SQSTM1: variants seen among roughly 807,000 people sequenced by gnomAD.
SQSTM1 encodes sequestosome-1.
Under a neutral mutation model 45.1 loss-of-function variants are expected in SQSTM1, and 36 were observed. That is an observed-to-expected ratio of 0.80 (90% CI 0.61 to 1.05). The LOEUF is 1.05. Ranked by LOEUF, SQSTM1 falls within the 50% of genes least tolerant of loss-of-function variation. The probability of loss-of-function intolerance (pLI) is 0.00; values close to 1 mark genes in which losing one functional copy is unlikely to be tolerated. For synonymous variants in SQSTM1, 290 were observed against 244.3 expected, an observed-to-expected ratio of 1.19 and a Z score of -1.74; for missense variants, 617 against 607.1, an observed-to-expected ratio of 1.02 and a Z score of -0.17.
At chr5:179,825,067 T>G in intron 4 of SQSTM1, 79 bp from the exon 5 acceptor site, 1 of 1,470,548 alleles carries the variant, frequency 6.8e-7, no homozygotes, top group Non-Finnish European at 9.5e-7. Context: ...CACAGGGACC[T>G]TGGCAAGAAG....
intron 7 of SQSTM1, 132 bp downstream of exon 7, chr5:179,833,914 G>A (rs1305113146): frequency 9.8e-7 from 1 of 1,024,664 alleles, no homozygotes; most frequent in African/African-American, 1.6e-5. Context: ...GGTGTGGGAG[G>A]TTAGGAGTTG....
At chr5:179,829,866 C>A (rs1397029466) in intron 5 of SQSTM1, among the ~76,000 whole-genome samples, 1 of 152,146 alleles carries the variant, frequency 6.6e-6, no homozygotes, top group East Asian at 1.9e-4. Context: ...GAGACCAAGG[C>A]AGGCAGATGA....
chr5:179,810,534 G>A (rs917960797), intron 1 of SQSTM1, among the ~76,000 whole-genome samples: 1 of 152,166 alleles, frequency 6.6e-6, no homozygotes, highest in African/African-American at 2.4e-5. Flanking sequence ...ATTTGGGTTG[G>A]TTCCAAGTCT....
At position 179,820,927 on chromosome 5, in the gene SQSTM1, G is replaced by T. The variant is rs773356001; in HGVS notation, c.-10G>T. ...GGGACGGCCCGTTTTCCGCCAGCTC[G>T]CCGCTCGCTATGGCGTCGCTCACCG... On this transcript the variant is annotated 5_prime_UTR_variant, in exon 1 of 8. Coordinates refer to ENST00000389805, the MANE Select transcript of SQSTM1 (RefSeq NM_003900.5). 8 of 1,528,322 alleles carry T rather than the reference G, an allele frequency of 5.2e-6. No homozygotes were observed. Among genetic ancestry groups the T allele is most frequent in the Non-Finnish European group, 7.0e-6 (8 of 1,139,836 alleles). 94.7% of individuals were successfully genotyped at this position (1,528,322 alleles called of 1,614,324 possible).
At chr5:179,832,950 T>C (rs778274104) in intron 5 of SQSTM1, 82 bp from the exon 6 acceptor site, 33 of 1,380,128 alleles carry the variant, frequency 2.4e-5, no homozygotes, top group Admixed American at 8.4e-5. Context: ...CGTGAGTCTG[T>C]AGTCTCCACA....
chr5:179,820,580 G>A (rs1582002186), upstream of SQSTM1: 1 of 225,542 alleles, frequency 4.4e-6, no homozygotes, highest in South Asian at 1.3e-4. Context: ...CCCAAGCCTG[G>A]GAGGGGCGAG....
chr5:179,833,352 C>T (rs534902448), intron 6 of SQSTM1, 106 bp downstream of exon 6: 54 of 1,168,094 alleles, frequency 4.6e-5, no homozygotes, highest in South Asian at 4.0e-4. Context: ...CTTACAAACC[C>T]GAGGGAGCTG....
At chr5:179,816,879 C>T (rs927774932), upstream of SQSTM1, among the ~76,000 whole-genome samples, 2 of 152,176 alleles carry the variant, frequency 1.3e-5, no homozygotes, top group African/African-American at 4.8e-5. Flanking sequence ...TCCGGCCACC[C>T]GGTGACGGAG....
rs796259575 is a variant in SQSTM1 at position 179,836,738 on chromosome 5, G to C, written c.*145G>C. The C allele has an allele frequency of 8.0e-7, 1 of 1,243,724 alleles. No individual in the cohort carries two copies. Among genetic ancestry groups the C allele is most frequent in the East Asian group, 2.3e-5 (1 of 42,886 alleles). The allele number at this position is 1,243,724 out of a possible 1,614,324, so 77.0% of individuals were successfully genotyped here. A position where few individuals can be genotyped will look rare whatever the true frequency, so the allele number is the denominator to read the frequency against. ...AGGGTGCAAGAAGCCATTTAGGGCAGCAAAACAAGTGACATGAAGGGAGGG... is the reference window on the plus strand; with the variant it reads ...AGGGTGCAAGAAGCCATTTAGGGCACCAAAACAAGTGACATGAAGGGAGGG... On this transcript the variant is annotated 3_prime_UTR_variant, in exon 8 of 8. Coordinates refer to ENST00000389805, the MANE Select transcript of SQSTM1 (RefSeq NM_003900.5).
chr5:179,836,655 T>G lies in SQSTM1; in HGVS notation c.*62T>G. 1.2e-6 allele frequency: 2 copies of G among 1,611,284 alleles called. No homozygotes were observed. The highest frequency in any genetic ancestry group is 1.7e-6 in the Non-Finnish European group (2 of 1,177,462). ...GTCTCATAGTTGTGTTAAGCTTGCG[T>G]AGAATTGCAGGTCTCTGTACGGGCC... On this transcript the variant is annotated 3_prime_UTR_variant, in exon 8 of 8. Coordinates refer to ENST00000389805, the MANE Select transcript of SQSTM1 (RefSeq NM_003900.5).
rs185559724 is a variant in SQSTM1, at chr5:179,837,099, G to C, written c.*506G>C. On this transcript the variant is annotated 3_prime_UTR_variant, in exon 8 of 8. Coordinates refer to ENST00000389805, the MANE Select transcript of SQSTM1 (RefSeq NM_003900.5). ...CTGAGAAGGCTCACGAAGGGCATCC[G>C]CAATGTTGGTTTCACTGAGAGCTGC... The C allele has an allele frequency of 1.1e-6, 1 of 942,284 alleles. No individual in the cohort carries two copies. The highest frequency in any genetic ancestry group is 1.6e-5 in the African/African-American group (1 of 61,500). 58.4% of individuals were successfully genotyped at this position (942,284 alleles called of 1,614,324 possible).
intron 7 of SQSTM1, among the ~76,000 whole-genome samples, chr5:179,834,407 TTTTGTTTATTTA>T (rs1758408388): frequency 6.6e-6 from 1 of 151,188 alleles, no homozygotes; most frequent in African/African-American, 2.4e-5. Flanking sequence ...TAGTTCTTAT[TTTTGTTTATTTA>T]TTTATTTATT....
chr5:179,818,500 G>T (rs59680418), upstream of SQSTM1, among the ~76,000 whole-genome samples: 4,667 of 152,266 alleles, frequency 0.031, 246 homozygotes, highest in African/African-American at 0.11. Flanking sequence ...TATTTGGGAG[G>T]GGGGAAGGGG....
At chr5:179,823,540 GGGTCTGGTGCCGT>G (rs1757870721) in intron 2 of SQSTM1, 1 of 465,568 alleles carries the variant, frequency 2.1e-6, no homozygotes, top group Non-Finnish European at 3.9e-6. Flanking sequence ...TCTAGGGATG[GGGTCTGGTGCCGT>G]GGTGCTTGGG....
rs1758579539 is a variant in SQSTM1, at chr5:179,836,736, C to G, written c.*143C>G. The G allele has an allele frequency of 7.8e-7, 1 of 1,274,032 alleles. No homozygotes were observed. Among genetic ancestry groups the G allele is most frequent in the Admixed American group, 1.7e-5 (1 of 57,576 alleles). The allele number at this position is 1,274,032 out of a possible 1,614,324, so 78.9% of individuals were successfully genotyped here. On this transcript the variant is annotated 3_prime_UTR_variant, in exon 8 of 8. Transcript: ENST00000389805. ...TTAGGGTGCAAGAAGCCATTTAGGG[C>G]AGCAAAACAAGTGACATGAAGGGAG...
upstream of SQSTM1, among the ~76,000 whole-genome samples, chr5:179,818,017 A>AAAAAAG: frequency 7.0e-6 from 1 of 143,396 alleles, no homozygotes; most frequent in African/African-American, 2.8e-5. Context: ...TGTCTCAAAA[A>AAAAAAG]AAAAAAAAAA....
At position 179,823,878 on chromosome 5, in the gene SQSTM1, G is replaced by T; in HGVS notation, c.322G>T (p.Asp108Tyr). The change falls in exon 3 of 8, where the codon GAC (aspartate) becomes TAC (tyrosine). Residue 108 changes from aspartate (D) to tyrosine (Y), a missense_variant. By Grantham distance (160) the Asp-to-Tyr change is radical. Coordinates refer to ENST00000389805, the MANE Select transcript of SQSTM1 (RefSeq NM_003900.5). ...YIKEKKECRR[D>Y]HRPPCAQEAP... ...TGTAGAGAAAAAAGAGTGCCGGCGGGACCACCGCCCACCGTGTGCTCAGGA... is the reference window on the plus strand; with the variant it reads ...TGTAGAGAAAAAAGAGTGCCGGCGGTACCACCGCCCACCGTGTGCTCAGGA... 1 of 1,612,674 alleles carries T rather than the reference G, an allele frequency of 6.2e-7. No homozygotes were observed. Among genetic ancestry groups the T allele is most frequent in the Non-Finnish European group, 8.5e-7 (1 of 1,179,998 alleles).
At chr5:179,821,314 C>A (rs530177953) in intron 1 of SQSTM1, among the ~76,000 whole-genome samples, 173 bp downstream of exon 1, 1 of 152,322 alleles carries the variant, frequency 6.6e-6, no homozygotes, top group African/African-American at 2.4e-5. Flanking sequence ...GCCATGGGAG[C>A]CGGCCTGGTG....
At chr5:179,807,477 C>G (rs1757224054) in intron 1 of SQSTM1, 1 of 152,262 alleles carries the variant, frequency 6.6e-6, no homozygotes, top group Non-Finnish European at 1.5e-5. Context: ...AGAGCAGTGA[C>G]CAGCCCAGAA....
Sources: gnomAD v4.1 joint callset for allele counts (sites outside exome capture counted in the v4.1 genomes callset) on GRCh38, gnomAD v4.1.1 for gene constraint, MANE v1.5 for transcripts, NCBI Gene and HGNC (gene_info 2026-07-23, HGNC 2026-07-21) for gene names.